The following LRIG3 variants were observed in gnomAD, a reference collection of about 807,000 sequenced individuals.
LRIG3 encodes the protein leucine rich repeats and immunoglobulin like domains 3, also known as leucine-rich repeats and immunoglobulin-like domains protein 3.
Under a neutral mutation model 114.5 loss-of-function variants are expected in LRIG3, and 76 were observed. That is an observed-to-expected ratio of 0.66 (90% CI 0.55 to 0.80). The LOEUF (loss-of-function observed/expected upper bound fraction) is 0.80. Among genes scored for constraint, LRIG3 ranks in the 30% least tolerant of loss-of-function variants. LRIG3 has a pLI of 0.00. For synonymous variants in LRIG3, 512 were observed against 519.8 expected (o/e 0.98, Z 0.20); for missense variants, 1,239 against 1,382.8 (o/e 0.90, Z 1.65).
chr12:58,906,561 C>T (rs182518084), intron 3 of LRIG3, among the ~76,000 whole-genome samples: 1 of 152,176 alleles, frequency 6.6e-6, no homozygotes. Context: ...GAATGAAATT[C>T]TCACTTAATA....
At chr12:58,900,420 G>A (rs992075242) in intron 3 of LRIG3, among the ~76,000 whole-genome samples, 4 of 150,908 alleles carry the variant, frequency 2.7e-5, no homozygotes, top group South Asian at 2.1e-4. Context: ...CTTTGCTCCC[G>A]TTGGTATGCA....
chr12:58,887,662 A>G, intron 8 of LRIG3, 127 bp downstream of exon 8: 1 of 953,568 alleles, frequency 1.0e-6, no homozygotes, highest in Non-Finnish European at 1.6e-6. Context: ...TGATCTGGGA[A>G]AGATTAAGAT....
chr12:58,883,716 A>G (rs975184643), intron 10 of LRIG3, 125 bp from the exon 11 acceptor site: 24 of 520,766 alleles, frequency 4.6e-5, no homozygotes, highest in Admixed American at 2.8e-4. Context: ...TGTCAAATAC[A>G]TGACTGGGGC....
chr12:58,884,433 C>T (rs1277167007), intron 10 of LRIG3, among the ~76,000 whole-genome samples: 5 of 152,100 alleles, frequency 3.3e-5, no homozygotes, highest in South Asian at 2.1e-4. Context: ...CATGGCTAGA[C>T]GAAGAGGCTG....
chr12:58,920,165 G>A lies in LRIG3; in HGVS notation c.71C>T (p.Ala24Val), dbSNP rs1002269936. Residue 24 changes from alanine to valine, a missense_variant, in exon 1 of 19, where the codon GCT becomes GTT. By Grantham distance (64) the Ala-to-Val change is moderately conservative (BLOSUM62 0). Coordinates refer to ENST00000320743, the MANE Select transcript of LRIG3 (RefSeq NM_153377.5). ...GCGACCGCCGCTGTCTGACCGGCCA[G>A]CGCGCCCCAGCACCGCGCACAGCAG... ...GLLLCAVLGR[A>V]GRSDSGGRGE... 1.9e-6 allele frequency: 3 copies of A among 1,539,444 alleles called. No homozygotes were observed. The highest frequency in any genetic ancestry group is 2.6e-6 in the Non-Finnish European group (3 of 1,145,770).
intron 3 of LRIG3, among the ~76,000 whole-genome samples, chr12:58,902,089 T>A (rs1871872656): frequency 6.6e-6 from 1 of 152,194 alleles, no homozygotes; most frequent in South Asian, 2.1e-4. Flanking sequence ...CTGAGGAAAT[T>A]AAGACAGGAA....
intron 14 of LRIG3, 127 bp downstream of exon 14, chr12:58,878,697 C>A (rs1871012943): frequency 2.7e-6 from 3 of 1,127,342 alleles, no homozygotes; most frequent in East Asian, 2.4e-5. Context: ...TTAATACTTT[C>A]TAGGAAAAGG....
At chr12:58,905,688 A>G (rs185894324) in intron 3 of LRIG3, among the ~76,000 whole-genome samples, 103 of 152,280 alleles carry the variant, frequency 6.8e-4, no homozygotes, top group African/African-American at 2.1e-3. Context: ...TAATAGATTA[A>G]TGAGCTATCA....
intron 1 of LRIG3, 92 bp from the exon 2 acceptor site, chr12:58,914,428 G>T: frequency 2.1e-6 from 2 of 933,244 alleles, no homozygotes; most frequent in South Asian, 1.5e-5. Flanking sequence ...GAACACCAGT[G>T]AGAGCAGGAG....
intron 3 of LRIG3, among the ~76,000 whole-genome samples, chr12:58,906,194 C>T (rs1872058245): frequency 6.6e-6 from 1 of 152,164 alleles, no homozygotes; most frequent in South Asian, 2.1e-4. Flanking sequence ...CTAACTGTGG[C>T]TAAAGCTGCT....
rs539253869 is a variant in LRIG3 at position 58,874,071 on chromosome 12, C to T, written c.3099G>A (p.Ser1033=). The change falls in exon 18 of 19, where the codon TCG becomes TCA. Residue 1033 remains serine (S), a synonymous_variant. Coordinates refer to ENST00000320743, the MANE Select transcript of LRIG3 (RefSeq NM_153377.5). ...SANPEPASVA[S]SNSFMGTFGK... is the part of the protein sequence containing the mutation. ...TAAACTTACCCATGAAAGAATTACT[C>T]GAGGCAACCGACGCTGGCTCTGGAT... 3.3e-5 allele frequency: 54 copies of T among 1,614,092 alleles called. No individual in the cohort carries two copies. Among genetic ancestry groups the T allele is most frequent in the Middle Eastern group, 1.6e-4 (1 of 6,062 alleles).
In LRIG3 at chr12:58,877,478, C is replaced by T; in HGVS notation, c.2458G>A (p.Val820Met). ...ACCACCCACACGAGTGACGTGCCCACCACACAGCAAACCACGGCTATGATC... is the reference window on the plus strand; with the variant it reads ...ACCACCCACACGAGTGACGTGCCCATCACACAGCAAACCACGGCTATGATC... Reference protein sequence around the residue: ...VVIIAVVCCVVGTSLVWVVII... With the variant: ...VVIIAVVCCVMGTSLVWVVII... Residue 820 changes from valine (V) to methionine (M), a missense_variant, in exon 15 of 19, where the codon GTG becomes ATG. Coordinates refer to ENST00000320743, the MANE Select transcript of LRIG3 (RefSeq NM_153377.5). The T allele has an allele frequency of 6.2e-7, 1 of 1,614,208 alleles. No individual in the cohort carries two copies. Among genetic ancestry groups the T allele is most frequent in the Non-Finnish European group, 8.5e-7 (1 of 1,180,042 alleles).
At chr12:58,876,878 C>CTGAAT (rs1453184249) in intron 15 of LRIG3, among the ~76,000 whole-genome samples, 7 of 152,202 alleles carry the variant, frequency 4.6e-5, no homozygotes, top group Non-Finnish European at 1.0e-4. Flanking sequence ...TTTTAAAAGG[C>CTGAAT]TGAAGGCCTA....
chr12:58,911,013 C>G (rs537523956), intron 3 of LRIG3, among the ~76,000 whole-genome samples: 1 of 152,300 alleles, frequency 6.6e-6, no homozygotes, highest in South Asian at 2.1e-4. Context: ...AATATGTCAT[C>G]CTGCAATAGC....
Position 58,877,819 on chromosome 12 carries a change from C to A in LRIG3, c.2117G>T (p.Arg706Leu), listed in dbSNP as rs149784962. 6.8e-6 allele frequency: 11 copies of A among 1,612,784 alleles called. No individual in the cohort carries two copies. The highest frequency in any genetic ancestry group is 1.3e-5 in the African/African-American group (1 of 75,012). ...GGCTGTTTCTCCCTTGGTTACAGTT[C>A]GGTCCAACAGTGGCCGCAAAAATGA... ...TPSFLRPLLD[R>L]TVTKGETAVL... is the part of the protein sequence containing the mutation. The change falls in exon 15 of 19, where the codon CGA becomes CTA. Residue 706 changes from arginine to leucine, a missense_variant. Transcript: ENST00000320743.
chr12:58,918,459 T>C (rs1872555250), intron 1 of LRIG3, among the ~76,000 whole-genome samples: 1 of 152,218 alleles, frequency 6.6e-6, no homozygotes, highest in South Asian at 2.1e-4. Context: ...CACACTAGCA[T>C]GATCACAATA....
chr12:58,914,047 G>C lies in LRIG3; in HGVS notation c.318C>G (p.Asn106Lys). 6.2e-7 allele frequency: 1 copy of C among 1,605,430 alleles called. No individual in the cohort carries two copies. The highest frequency in any genetic ancestry group is 8.5e-7 in the Non-Finnish European group (1 of 1,178,052). The change falls in exon 3 of 19, where the codon AAC (asparagine) becomes AAG (lysine). Residue 106 changes from asparagine to lysine, a missense_variant. Transcript: ENST00000320743. Reference protein sequence around the residue: ...HLQSLREVKLNNNELETIPNL... With the variant: ...HLQSLREVKLKNNELETIPNL... ...TTGGAATGGTCTCCAATTCATTGTT[G>C]TTCAGTTTCCTACAAATGCCAAAAA...
At chr12:58,881,492 C>T (rs1383117855) in intron 12 of LRIG3, among the ~76,000 whole-genome samples, 3 of 151,490 alleles carry the variant, frequency 2.0e-5, no homozygotes, top group South Asian at 4.2e-4. Context: ...ACACTGGCTT[C>T]AGCCTGGAGC....
rs909030749 is a variant in LRIG3, at chr12:58,914,612, C to A, written c.237-276G>T. The A allele has an allele frequency of 1.5e-5, 5 of 332,098 alleles. No individual in the cohort carries two copies. The East Asian group carries it at 2.6e-4, about 17-fold the overall frequency. The allele number at this position is 332,098 out of a possible 1,614,324, so 20.6% of individuals were successfully genotyped here. A position where few individuals can be genotyped will look rare whatever the true frequency, so the allele number is the denominator to read the frequency against. The stretch of plus-strand genomic sequence containing the variant: ...ACGTGGTGAACAGATCTTTTGTGAA[C>A]TGGCAGGTCTGCTTCACCCTCCCAT... On this transcript the variant is annotated intron_variant, in intron 1 of 18. Transcript: ENST00000320743.
Sources: gnomAD v4.1 joint callset for allele counts (sites outside exome capture counted in the v4.1 genomes callset) on GRCh38, gnomAD v4.1.1 for gene constraint, MANE v1.5 for transcripts, NCBI Gene and HGNC (gene_info 2026-07-23, HGNC 2026-07-21) for gene names.